PCDHA4: variants seen among roughly 807,000 people sequenced by gnomAD.
PCDHA4 encodes protocadherin alpha 4.
Under a neutral mutation model 61.4 loss-of-function variants are expected in PCDHA4, and 49 were observed. The ratio of observed to expected loss-of-function variants is 0.80; its 90% CI spans 0.63 to 1.01. The LOEUF (loss-of-function observed/expected upper bound fraction) is 1.01. PCDHA4 is among the 50% of genes least tolerant of loss of function. The pLI, the probability that PCDHA4 is intolerant of heterozygous loss-of-function variation, is 0.00. For missense variants in PCDHA4, 1,254 were observed against 1,235.8 expected (o/e 1.01, Z -0.22); for synonymous variants, 590 against 550.3 (o/e 1.07, Z -1.01).
chr5:140,941,255 C>CTTTCTTTCTTTCTTTCTTTCTT (rs782490896), intron 1 of PCDHA4, among the ~76,000 whole-genome samples: 2 of 44,508 alleles, frequency 4.5e-5, no homozygotes, highest in African/African-American at 1.4e-4. Context: ...TTCTTTCTTT[C>CTTTCTTTCTTTCTTTCTTTCTT]TCTTTCTTTC....
chr5:140,867,395 T>C (rs1319055963), intron 1 of PCDHA4: 1 of 152,176 alleles, frequency 6.6e-6, no homozygotes, highest in Admixed American at 6.5e-5. Context: ...TTATAAAAGT[T>C]GATATGTCTC....
Position 141,010,515 on chromosome 5 carries a change from CAA to C in PCDHA4, c.*579_*580del, listed in dbSNP as rs1554262971. ...ACCAGACTTTCTAAATCTTACAACTCAAGAGGTGGCAGCCACCCTCTAGGAGA... is the reference window on the plus strand; with the variant it reads ...ACCAGACTTTCTAAATCTTACAACTCGAGGTGGCAGCCACCCTCTAGGAGA... On this transcript the variant is annotated 3_prime_UTR_variant, in exon 4 of 4. Transcript: ENST00000530339. 4.1e-6 allele frequency: 2 copies of C among 483,800 alleles called. No individual in the cohort carries two copies. Among genetic ancestry groups the C allele is most frequent in the African/African-American group, 2.0e-5 (1 of 51,026 alleles). 30.0% of individuals were successfully genotyped at this position (483,800 alleles called of 1,614,324 possible).
intron 1 of PCDHA4, chr5:140,864,839 G>T (rs1335962458): frequency 6.6e-6 from 1 of 152,156 alleles, no homozygotes; most frequent in African/African-American, 2.4e-5. Flanking sequence ...GTATAAGAGA[G>T]TCTTCCCATA....
At chr5:140,968,236 T>C in intron 1 of PCDHA4, 1 of 1,614,006 alleles carries the variant, frequency 6.2e-7, no homozygotes, top group East Asian at 2.2e-5. Flanking sequence ...TGCTCTGTAC[T>C]GTGCAAGCCA....
chr5:140,875,329 T>C, intron 1 of PCDHA4: 1 of 1,437,476 alleles, frequency 7.0e-7, no homozygotes, highest in Non-Finnish European at 9.1e-7. Flanking sequence ...ATTCACGGAA[T>C]AGGATCGACT....
In PCDHA4 at chr5:140,849,582, G is replaced by T. The variant is rs2150441329; in HGVS notation, c.2385+40010G>T. 1.0e-5 allele frequency: 16 copies of T among 1,598,576 alleles called. 1 individual carries two copies. Among genetic ancestry groups the T allele is most frequent in the African/African-American group, 1.3e-5 (1 of 74,328 alleles). On this transcript the variant is annotated intron_variant, in intron 1 of 3. Transcript: ENST00000530339. ...GCTCTCGGTTCCTGTAAAAGAGGAC[G>T]CACAACTGGGGACAGTTATTGCCCT...
rs10602499 is a variant in PCDHA4 at position 140,992,017 on chromosome 5, C to CTGTGTGTGTG, written c.2533+9482_2533+9491dup. Among the ~76,000 whole-genome samples, 121 of 145,620 alleles carry CTGTGTGTGTG rather than the reference C, an allele frequency of 8.3e-4. 2 individuals are homozygous for CTGTGTGTGTG. The highest frequency in any genetic ancestry group is 3.5e-3 in the Middle Eastern group (1 of 288). ...CTTTCATGTTCAGGCAGAGGTGGCT[C>CTGTGTGTGTG]TGTGTGTGTGTGTGTGTGTGTGTGT... On this transcript the variant is annotated intron_variant, in intron 3 of 3. Transcript: ENST00000530339.
At chr5:140,836,745 C>A in intron 1 of PCDHA4, 1 of 1,588,116 alleles carries the variant, frequency 6.3e-7, no homozygotes, top group Non-Finnish European at 8.6e-7. Flanking sequence ...CAATGTGAGT[C>A]ATAAATAATC....
chr5:140,835,129 T>G (rs2150231206), intron 1 of PCDHA4: 1 of 1,358,528 alleles, frequency 7.4e-7, no homozygotes, highest in East Asian at 2.5e-5. Context: ...CTGTATACGG[T>G]GAAATTACCA....
At position 140,993,185 on chromosome 5, in the gene PCDHA4, G is replaced by A. The variant is rs1393686590; in HGVS notation, c.2533+10622G>A. Among the ~76,000 whole-genome samples, 5 of 152,162 alleles carry A rather than the reference G, an allele frequency of 3.3e-5. No homozygotes were observed. The South Asian group carries it at 8.3e-4, about 25-fold the overall frequency. The stretch of plus-strand genomic sequence containing the variant: ...TTGCCTTTGGGAAATTTCTTTAGAG[G>A]GAAACTCACTAAAGCTAATTTTTTT... On this transcript the variant is annotated intron_variant, in intron 3 of 3. Transcript: ENST00000530339.
intron 1 of PCDHA4, among the ~76,000 whole-genome samples, chr5:140,879,457 T>A (rs1554170803): frequency 6.6e-6 from 1 of 152,176 alleles, no homozygotes; most frequent in Non-Finnish European, 1.5e-5. Context: ...TTTGAAGTCC[T>A]AAGAGAATAC....
At chr5:140,894,652 A>G (rs578187402) in intron 1 of PCDHA4, among the ~76,000 whole-genome samples, 234 of 151,944 alleles carry the variant, frequency 1.5e-3, no homozygotes, top group African/African-American at 4.9e-3. Flanking sequence ...GAGTCTCTCT[A>G]ATTCTGATTT....
At chr5:140,854,341 G>A (rs1388413417) in intron 1 of PCDHA4, 1 of 189,830 alleles carries the variant, frequency 5.3e-6, no homozygotes, top group Non-Finnish European at 9.6e-6. Flanking sequence ...TTACGCTCCA[G>A]ATAGCTAAAA....
chr5:140,891,230 T>G (rs1192105465), intron 1 of PCDHA4, among the ~76,000 whole-genome samples: 1 of 152,232 alleles, frequency 6.6e-6, no homozygotes, highest in Non-Finnish European at 1.5e-5. Flanking sequence ...AATCATCCTG[T>G]TCTGGATTCA....
chr5:140,828,991 A>G (rs1770068473), intron 1 of PCDHA4: 1 of 1,613,938 alleles, frequency 6.2e-7, no homozygotes, highest in Non-Finnish European at 8.5e-7. Context: ...GAAATACGGG[A>G]GAAATAGTGA....
intron 1 of PCDHA4, among the ~76,000 whole-genome samples, chr5:140,897,922 C>T (rs1476419563): frequency 3.3e-5 from 5 of 152,164 alleles, no homozygotes; most frequent in Non-Finnish European, 5.9e-5. Context: ...TTTTGATTTG[C>T]GTTTCTCTGA....
At chr5:140,854,065 G>T in intron 1 of PCDHA4, 1 of 276,218 alleles carries the variant, frequency 3.6e-6, no homozygotes, top group Non-Finnish European at 5.5e-6. Context: ...AGGAGGCTGA[G>T]GCGAGAGAAT....
intron 1 of PCDHA4, chr5:140,829,633 C>A (rs2150171789): frequency 1.7e-5 from 27 of 1,612,154 alleles, no homozygotes; most frequent in South Asian, 1.1e-5. Context: ...ACGCGGAGAG[C>A]GGCAAGGTGT....
intron 1 of PCDHA4, chr5:140,871,583 T>C (rs782012993): frequency 2.0e-6 from 3 of 1,468,262 alleles, no homozygotes; most frequent in Non-Finnish European, 9.0e-7. Flanking sequence ...TAAGGGAAAG[T>C]TTTATGAATA....
Sources: allele counts gnomAD v4.1 joint callset (sites outside exome capture counted in the v4.1 genomes callset), GRCh38; gene constraint gnomAD v4.1.1; transcripts MANE v1.5; gene names NCBI Gene and HGNC (gene_info 2026-07-23, HGNC 2026-07-21).